SSPN: variants seen among roughly 807,000 people sequenced by gnomAD.
SSPN encodes sarcospan, also known as K-ras oncogene-associated protein.
SSPN carries 15 observed loss-of-function variants against 19.1 expected under a neutral mutation model. The ratio of observed to expected loss-of-function variants is 0.78; its 90% CI spans 0.52 to 1.21. The LOEUF (loss-of-function observed/expected upper bound fraction) is 1.21, where lower values mean the gene tolerates loss of function less well. SSPN is among the 50% of genes most tolerant of loss of function. The pLI is 0.00. For missense variants in SSPN, 291 were observed against 314.0 expected (o/e 0.93, Z 0.55); for synonymous variants, 147 against 140.3 (o/e 1.05, Z -0.34).
chr12:26,195,438 G>A, upstream of SSPN: 1 of 672,990 alleles, frequency 1.5e-6, no homozygotes. Flanking sequence ...CCTGCCCGGG[G>A]CCCGGCAGGC....
chr12:26,124,623 G>A (rs1358961722), intron 1 of SSPN: 2 of 1,613,008 alleles, frequency 1.2e-6, no homozygotes, highest in Non-Finnish European at 8.5e-7. Flanking sequence ...ATTCGGGGAG[G>A]GGCTCTGCCC....
At chr12:26,180,297 T>G (rs1025129731) in intron 1 of SSPN, 1 of 152,100 alleles carries the variant, frequency 6.6e-6, no homozygotes, top group African/African-American at 2.4e-5. Context: ...CAAATCTGAG[T>G]TGGAGGTGCT....
chr12:26,231,004 G>A lies in SSPN; in HGVS notation c.660G>A (p.Arg220=), dbSNP rs574509323. The A allele has an allele frequency of 5.1e-5, 83 of 1,614,200 alleles. 1 individual carries two copies. In the East Asian group the frequency reaches 1.8e-3, roughly 34 times the overall value. Residue 220 remains arginine (R), a synonymous_variant, in exon 3 of 3, where the codon AGG becomes AGA. Coordinates refer to ENST00000242729, the MANE Select transcript of SSPN (RefSeq NM_005086.5). ...CCTGCTTTGTGATGTGGAAACATAG[G>A]TACCAGGTCTTCTATGTGGGTGTCA... The part of the protein sequence containing the change: ...LLACFVMWKH[R]YQVFYVGVRI...
At chr12:26,208,017 GT>G (rs200635573) in intron 1 of SSPN, among the ~76,000 whole-genome samples, 3 of 102,258 alleles carry the variant, frequency 2.9e-5, no homozygotes, top group South Asian at 4.5e-4. Context: ...AGTGGTGGTG[GT>G]GGGGGGGGGG....
intron 1 of SSPN, among the ~76,000 whole-genome samples, chr12:26,148,724 T>A (rs1398988591): frequency 6.6e-6 from 1 of 152,234 alleles, no homozygotes; most frequent in Non-Finnish European, 1.5e-5. Flanking sequence ...GCTTGCTTTA[T>A]GATGAAATTC....
chr12:26,187,623 G>A (rs1944762252), intron 1 of SSPN, among the ~76,000 whole-genome samples: 1 of 152,134 alleles, frequency 6.6e-6, no homozygotes, highest in Admixed American at 6.5e-5. Flanking sequence ...TTTGAGTATA[G>A]TCACTTCTCT....
chr12:26,209,042 C>T (rs1165462262), intron 1 of SSPN, among the ~76,000 whole-genome samples: 1 of 148,206 alleles, frequency 6.7e-6, no homozygotes, highest in Non-Finnish European at 1.5e-5. Context: ...AAAATTTTCT[C>T]AGTGAATCTT....
chr12:26,157,056 T>C (rs1297488561), intron 1 of SSPN, among the ~76,000 whole-genome samples: 1 of 152,234 alleles, frequency 6.6e-6, no homozygotes, highest in Non-Finnish European at 1.5e-5. Context: ...TACTTTGTTC[T>C]ATACAGGTAG....
chr12:26,147,248 GAA>G (rs1944497254), intron 1 of SSPN, among the ~76,000 whole-genome samples: 1 of 147,998 alleles, frequency 6.8e-6, no homozygotes, highest in Non-Finnish European at 1.5e-5. Context: ...CTGAGAAAAT[GAA>G]AACGATAATT....
At chr12:26,129,343 T>G (rs1295164921) in intron 1 of SSPN, among the ~76,000 whole-genome samples, 1 of 152,174 alleles carries the variant, frequency 6.6e-6, no homozygotes, top group East Asian at 1.9e-4. Flanking sequence ...AATCAAGGCC[T>G]GGAGGGGATA....
chr12:26,201,606 A>T (rs75238636), intron 1 of SSPN, among the ~76,000 whole-genome samples: 4,152 of 136,946 alleles, frequency 0.03, 184 homozygotes, highest in African/African-American at 0.12. Context: ...CTTCTTTTTT[A>T]AAAAAAAAAA....
intron 1 of SSPN, among the ~76,000 whole-genome samples, chr12:26,146,467 A>T (rs954113017): frequency 2.6e-5 from 4 of 152,178 alleles, no homozygotes; most frequent in Admixed American, 1.3e-4. Context: ...TAGTCATCTA[A>T]TTCCTCAAAA....
intron 2 of SSPN, among the ~76,000 whole-genome samples, chr12:26,226,987 G>C (rs1005003331): frequency 1.3e-5 from 2 of 152,090 alleles, no homozygotes; most frequent in Non-Finnish European, 2.9e-5. Context: ...TAAGCGCCCG[G>C]GGCCACCGCG....
In SSPN at chr12:26,231,401, A is replaced by G. The variant is rs1945231319; in HGVS notation, c.*325A>G. ...TTAACTCATTTTATCCATTCCTTAC[A>G]TAATCTTCTTTCCTGTTAGTCCAGT... On this transcript the variant is annotated 3_prime_UTR_variant, in exon 3 of 3. Transcript: ENST00000242729. 1 of 221,506 alleles carries G rather than the reference A, an allele frequency of 4.5e-6. No individual in the cohort carries two copies. The highest frequency in any genetic ancestry group is 5.4e-5 in the Admixed American group (1 of 18,400). The allele number at this position is 221,506 out of a possible 1,614,324, so 13.7% of individuals were successfully genotyped here. A position where few individuals can be genotyped will look rare whatever the true frequency, so the allele number is the denominator to read the frequency against.
At chr12:26,196,776 C>G (rs1944834254) in intron 1 of SSPN, among the ~76,000 whole-genome samples, 1 of 152,224 alleles carries the variant, frequency 6.6e-6, no homozygotes, top group Non-Finnish European at 1.5e-5. Context: ...TAATCATTCT[C>G]ACTTCTCAAA....
At chr12:26,168,987 GA>G (rs1430866211) in intron 1 of SSPN, among the ~76,000 whole-genome samples, 2 of 149,576 alleles carry the variant, frequency 1.3e-5, no homozygotes, top group Non-Finnish European at 3.0e-5. Context: ...TAATGGTAGT[GA>G]TTTTTTTTTA....
At chr12:26,133,680 T>C (rs925840516) in intron 1 of SSPN, among the ~76,000 whole-genome samples, 1 of 152,224 alleles carries the variant, frequency 6.6e-6, no homozygotes, top group Non-Finnish European at 1.5e-5. Flanking sequence ...GAGGCTGACT[T>C]GCAGGAGCTT....
upstream of SSPN, among the ~76,000 whole-genome samples, chr12:26,193,148 T>C (rs894877340): frequency 4.6e-5 from 7 of 152,222 alleles, no homozygotes; most frequent in African/African-American, 1.4e-4. Context: ...CACTGTATTA[T>C]AGATACTATG....
rs1300780917 is a variant in SSPN, at chr12:26,202,125, A to G, written c.279+6174A>G. Among the ~76,000 whole-genome samples, 4 of 152,326 alleles carry G rather than the reference A, an allele frequency of 2.6e-5. No individual in the cohort carries two copies. In the South Asian group the frequency reaches 8.3e-4, roughly 32 times the overall value. ...TAATACCTAATACAATATAAATACT[A>G]TGTAAACAGTTGACACACTATATTA... On this transcript the variant is annotated intron_variant, in intron 1 of 2. Coordinates refer to ENST00000242729, the MANE Select transcript of SSPN (RefSeq NM_005086.5).
Sources: gnomAD v4.1 joint callset for allele counts (sites outside exome capture counted in the v4.1 genomes callset) on GRCh38, gnomAD v4.1.1 for gene constraint, MANE v1.5 for transcripts, NCBI Gene and HGNC (gene_info 2026-07-23, HGNC 2026-07-21) for gene names.